Variants in PHRF1 observed in about 807,000 individuals in gnomAD.
PHRF1 encodes the protein PHD and RING finger domain-containing protein 1.
PHRF1 carries 53 observed loss-of-function variants against 128.9 expected under a neutral mutation model. The observed-to-expected ratio is 0.41, with a 90% CI of 0.33 to 0.52. The LOEUF (loss-of-function observed/expected upper bound fraction) is 0.52. Ranked by LOEUF, PHRF1 falls within the 20% of genes least tolerant of loss-of-function variation. The pLI is 0.21. For missense variants in PHRF1, 2,503 were observed against 2,284.5 expected, an observed-to-expected ratio of 1.10 and a Z score of -1.95; for synonymous variants, 1,178 against 980.6, an observed-to-expected ratio of 1.20 and a Z score of -3.76.
rs114040080 is a variant in PHRF1, at chr11:598,288, G to A, written c.895-85G>A. 4.7e-6 allele frequency: 7 copies of A among 1,483,888 alleles called. No individual in the cohort carries two copies. The East Asian group carries it at 1.5e-4, about 31-fold the overall frequency. 91.9% of individuals were successfully genotyped at this position (1,483,888 alleles called of 1,614,324 possible). A position where few individuals can be genotyped will look rare whatever the true frequency, so the allele number is the denominator to read the frequency against. On this transcript the variant is annotated intron_variant, in intron 8 of 17. Coordinates refer to ENST00000264555, the MANE Select transcript of PHRF1 (RefSeq NM_001286581.2). The stretch of plus-strand genomic sequence containing the variant: ...CCTGCTTCTCTGGCTGCCATTGTGG[G>A]CTGTGTTCTGGGCTCCATTTGGGGT...
At chr11:611,122 C>G in intron 17 of PHRF1, 40 bp downstream of exon 17, 2 of 1,605,406 alleles carry the variant, frequency 1.2e-6, no homozygotes, top group Non-Finnish European at 1.7e-6. Context: ...CTCGGGGTCA[C>G]GGGCGGTACG....
In PHRF1 at chr11:612,004, A is replaced by C. The variant is rs1361683340; in HGVS notation, c.*227A>C. 2.1e-5 allele frequency: 13 copies of C among 611,382 alleles called. No individual in the cohort carries two copies. Among genetic ancestry groups the C allele is most frequent in the Admixed American group, 3.2e-5 (1 of 31,312 alleles). 37.9% of individuals were successfully genotyped at this position (611,382 alleles called of 1,614,324 possible). A position where few individuals can be genotyped will look rare whatever the true frequency, so the allele number is the denominator to read the frequency against. ...TTGAAAACTGGACACTTTTGTATGT[A>C]TATTATAGAGACACTGTTTCCATTC... On this transcript the variant is annotated 3_prime_UTR_variant, in exon 18 of 18. Coordinates refer to ENST00000264555, the MANE Select transcript of PHRF1 (RefSeq NM_001286581.2).
chr11:602,293 G>A lies in PHRF1; in HGVS notation c.1152+592G>A, dbSNP rs1360288770. ...GTGTTGATGGGGTGGAGGGTGGTGT[G>A]TCATTCGTGTGCATGTTTGTGATGC... On this transcript the variant is annotated intron_variant, in intron 10 of 17. Transcript: ENST00000264555. Among the ~76,000 whole-genome samples, 3 of 152,254 alleles carry A rather than the reference G, an allele frequency of 2.0e-5. No individual in the cohort carries two copies. In the South Asian group the frequency reaches 6.2e-4, roughly 32 times the overall value.
At chr11:600,254 CTTT>C (rs753738754) in intron 9 of PHRF1, among the ~76,000 whole-genome samples, 5 of 141,648 alleles carry the variant, frequency 3.5e-5, no homozygotes, top group African/African-American at 5.2e-5. Context: ...ATTTTTATTC[CTTT>C]TTTTTTTTTT....
At chr11:589,643 C>T (rs139303343) in intron 4 of PHRF1, among the ~76,000 whole-genome samples, 4,988 of 152,278 alleles carry the variant, frequency 0.033, 250 homozygotes, top group African/African-American at 0.11. Flanking sequence ...CGATGCCGGA[C>T]GGAGTCAAGA....
intron 9 of PHRF1, among the ~76,000 whole-genome samples, chr11:600,250 A>AT (rs1855547898): frequency 6.9e-6 from 1 of 144,070 alleles, no homozygotes; most frequent in Non-Finnish European, 1.5e-5. Flanking sequence ...CATTATTTTT[A>AT]TTCCTTTTTT....
At position 611,962 on chromosome 11, in the gene PHRF1, A is replaced by G. The variant is rs1856434354; in HGVS notation, c.*185A>G. Reference sequence around the variant, plus strand: ...TCCTGCGCTGACACCTGGTCTGTGCACCTGTGTTGCTCACAGTTGAAAACT... The same window carrying G: ...TCCTGCGCTGACACCTGGTCTGTGCGCCTGTGTTGCTCACAGTTGAAAACT... On this transcript the variant is annotated 3_prime_UTR_variant, in exon 18 of 18. Transcript: ENST00000264555. The G allele has an allele frequency of 2.2e-6, 2 of 896,532 alleles. No individual in the cohort carries two copies. Among genetic ancestry groups the G allele is most frequent in the South Asian group, 3.5e-5 (2 of 56,416 alleles). The allele number at this position is 896,532 out of a possible 1,614,324, so 55.5% of individuals were successfully genotyped here.
chr11:579,307 T>C (rs1177805151), intron 1 of PHRF1, among the ~76,000 whole-genome samples: 2 of 152,004 alleles, frequency 1.3e-5, no homozygotes, highest in African/African-American at 2.4e-5. Context: ...AAGTGTTCCT[T>C]GGTAGATTCA....
At chr11:581,214 G>A (rs1314409355) in intron 1 of PHRF1, among the ~76,000 whole-genome samples, 1 of 151,092 alleles carries the variant, frequency 6.6e-6, no homozygotes, top group African/African-American at 2.5e-5. Context: ...TGTGAATCAT[G>A]TGTAAGGCTT....
At chr11:587,827 A>G (rs1214605537) in intron 4 of PHRF1, among the ~76,000 whole-genome samples, 1 of 152,190 alleles carries the variant, frequency 6.6e-6, no homozygotes, top group South Asian at 2.1e-4. Flanking sequence ...TGGTTCTCTC[A>G]GTTGATACAG....
In PHRF1 at chr11:608,337, A is replaced by T. The variant is rs1429025865; in HGVS notation, c.2881A>T (p.Thr961Ser). The part of the protein sequence containing the change: ...TFFGSEERTV[T>S]CVTVVEPEAP... Reference sequence around the variant, plus strand: ...CTTTGGCTCTGAGGAGCGGACGGTGACCTGTGTGACTGTCGTGGAGCCGGA... The same window carrying T: ...CTTTGGCTCTGAGGAGCGGACGGTGTCCTGTGTGACTGTCGTGGAGCCGGA... The change falls in exon 14 of 18, where the codon ACC becomes TCC. Residue 961 changes from threonine (T) to serine (S), a missense_variant. By Grantham distance (58) the Thr-to-Ser change is moderately conservative. Transcript: ENST00000264555. The T allele has an allele frequency of 6.2e-7, 1 of 1,609,962 alleles. No individual in the cohort carries two copies. Among genetic ancestry groups the T allele is most frequent in the Non-Finnish European group, 8.5e-7 (1 of 1,178,938 alleles).
chr11:592,406 C>T (rs7935737), intron 5 of PHRF1, among the ~76,000 whole-genome samples, 153 bp from the exon 6 acceptor site: 5,980 of 152,290 alleles, frequency 0.039, 402 homozygotes, highest in African/African-American at 0.14. Context: ...ATAAAAATCC[C>T]TGTGTACACG....
At chr11:599,227 A>G (rs1010572002) in intron 9 of PHRF1, among the ~76,000 whole-genome samples, 5 of 142,372 alleles carry the variant, frequency 3.5e-5, no homozygotes, top group African/African-American at 1.3e-4. Flanking sequence ...TGAAGCATGC[A>G]TACTTTTTCT....
At chr11:587,511 C>T (rs1460000555) in intron 4 of PHRF1, 47 bp downstream of exon 4, 3 of 1,589,004 alleles carry the variant, frequency 1.9e-6, no homozygotes, top group East Asian at 4.5e-5. Flanking sequence ...GGATGGCCTC[C>T]CTGTTTATAG....
In PHRF1 at chr11:589,538, G is replaced by A. The variant is rs190694198; in HGVS notation, c.421-1846G>A. Among the ~76,000 whole-genome samples the A allele has an allele frequency of 3.0e-4, 46 of 151,230 alleles. No individual in the cohort carries two copies. In the Admixed American group the frequency reaches 3.1e-3, roughly 10 times the overall value. On this transcript the variant is annotated intron_variant, in intron 4 of 17. Coordinates refer to ENST00000264555, the MANE Select transcript of PHRF1 (RefSeq NM_001286581.2). ...TCCAGGAATGGAAACCAGTCCCAGG[G>A]GTTTTGCAGGGGCTTAGAAGAGGCC... is the stretch of plus-strand genomic sequence containing the variant.
chr11:592,582 G>A lies in PHRF1; in HGVS notation c.528G>A (p.Ala176=), dbSNP rs1855044500. 1.9e-6 allele frequency: 3 copies of A among 1,614,072 alleles called. No homozygotes were observed. The highest frequency in any genetic ancestry group is 1.1e-5 in the South Asian group (1 of 91,090). Reference sequence around the variant, plus strand: ...AGATCCCAGTGGAGAACACCAAAGCGAGCGAGGAGGAGGAGGACCCGACCT... The same window carrying A: ...AGATCCCAGTGGAGAACACCAAAGCAAGCGAGGAGGAGGAGGACCCGACCT... ...LRKIPVENTK[A]SEEEEDPTFC... The change falls in exon 6 of 18, where the codon GCG becomes GCA. Residue 176 remains alanine, a synonymous_variant. Transcript: ENST00000264555.
chr11:587,872 A>G (rs1854674358), intron 4 of PHRF1, among the ~76,000 whole-genome samples: 1 of 152,224 alleles, frequency 6.6e-6, no homozygotes, highest in Non-Finnish European at 1.5e-5. Context: ...CATTCACAAT[A>G]ACTGGCATCA....
At chr11:583,021 G>A (rs1442389699) in intron 3 of PHRF1, among the ~76,000 whole-genome samples, 4 of 149,502 alleles carry the variant, frequency 2.7e-5, no homozygotes, top group Admixed American at 2.0e-4. Context: ...GCGACAGAGC[G>A]AGACTCCATC....
intron 3 of PHRF1, among the ~76,000 whole-genome samples, chr11:583,061 C>T (rs1363543947): frequency 6.7e-6 from 1 of 149,140 alleles, no homozygotes; most frequent in African/African-American, 2.5e-5. Context: ...TTCTGGCTGT[C>T]TGGGCGCGGT....
Sources: allele counts gnomAD v4.1 joint callset (sites outside exome capture counted in the v4.1 genomes callset), GRCh38; gene constraint gnomAD v4.1.1; transcripts MANE v1.5; gene names NCBI Gene and HGNC (gene_info 2026-07-23, HGNC 2026-07-21).